Variants in CRPPA observed in about 807,000 individuals in gnomAD.
CRPPA encodes D-ribitol-5-phosphate cytidylyltransferase.
Under a neutral mutation model 52.0 loss-of-function variants are expected in CRPPA, and 43 were observed. The observed-to-expected ratio is 0.83, with a 90% confidence interval of 0.65 to 1.07. The LOEUF (loss-of-function observed/expected upper bound fraction) is 1.07, where lower values mean the gene tolerates loss of function less well. Ranked by LOEUF, CRPPA falls within the 50% of genes least tolerant of loss-of-function variation. The pLI is 0.00. For missense variants in CRPPA, 629 were observed against 551.7 expected (o/e 1.14, Z -1.40); for synonymous variants, 250 against 203.5 (o/e 1.23, Z -1.94).
chr7:16,189,590 T>C (rs1297855167), intron 9 of CRPPA, among the ~76,000 whole-genome samples: 2 of 152,196 alleles, frequency 1.3e-5, no homozygotes, highest in African/African-American at 4.8e-5. Context: ...TTCATGATGT[T>C]GCCAAGTACC....
At chr7:16,378,102 AT>A (rs1050480152) in intron 2 of CRPPA, among the ~76,000 whole-genome samples, 2 of 151,594 alleles carry the variant, frequency 1.3e-5, no homozygotes, top group Non-Finnish European at 2.9e-5. Flanking sequence ...TTTTTTTTTA[AT>A]TTTTTTAAAT....
chr7:16,164,913 C>T (rs1781017659), intron 9 of CRPPA, among the ~76,000 whole-genome samples: 1 of 151,994 alleles, frequency 6.6e-6, no homozygotes, highest in African/African-American at 2.4e-5. Context: ...CAGATGCCAG[C>T]CAGAGCCCTC....
intron 9 of CRPPA, among the ~76,000 whole-genome samples, chr7:16,164,491 T>A (rs1231134137): frequency 3.9e-5 from 6 of 152,228 alleles, no homozygotes; most frequent in African/African-American, 1.2e-4. Context: ...TTACCCACCT[T>A]CTGAAGCCTA....
chr7:16,261,634 C>T (rs17150163), intron 6 of CRPPA, among the ~76,000 whole-genome samples: 13,711 of 151,422 alleles, frequency 0.091, 796 homozygotes, highest in South Asian at 0.15. Flanking sequence ...TTTTAGGTTC[C>T]TTGAGTTTTT....
rs1027005660 is a variant in CRPPA at position 16,091,746 on chromosome 7, T to C, written c.1305A>G (p.Ser435=). 23 of 1,565,808 alleles carry C rather than the reference T, an allele frequency of 1.5e-5. No homozygotes were observed. The highest frequency in any genetic ancestry group is 1.8e-5 in the Non-Finnish European group (21 of 1,153,730). The change falls in exon 10 of 10, where the codon TCA becomes TCG. Residue 435 remains serine (S), a synonymous_variant. Transcript: ENST00000407010. ...SLRQGAIIIA[S]LIKERNSGLI... ...GTCCAGAATTTCTTTCCTTGATTAA[T>C]GAAGCAATAATGATAGCACCTTGCC... is the stretch of plus-strand genomic sequence containing the variant.
At chr7:16,354,802 T>C (rs987580649) in intron 3 of CRPPA, among the ~76,000 whole-genome samples, 6 of 152,022 alleles carry the variant, frequency 3.9e-5, no homozygotes. Flanking sequence ...CATCAGAAAA[T>C]AATAGAGTTA....
intron 9 of CRPPA, among the ~76,000 whole-genome samples, chr7:16,097,277 T>C (rs1781955181): frequency 6.6e-6 from 1 of 152,186 alleles, no homozygotes; most frequent in Non-Finnish European, 1.5e-5. Context: ...TTACCCAGCA[T>C]GTAACAATTG....
intron 2 of CRPPA, among the ~76,000 whole-genome samples, chr7:16,386,660 C>T (rs1157764013): frequency 6.6e-6 from 1 of 152,136 alleles, no homozygotes; most frequent in African/African-American, 2.4e-5. Flanking sequence ...CAGATGGCAA[C>T]TTGCACCAAC....
chr7:16,096,883 T>G (rs1310209708), intron 9 of CRPPA, among the ~76,000 whole-genome samples: 1 of 152,220 alleles, frequency 6.6e-6, no homozygotes, highest in African/African-American at 2.4e-5. Flanking sequence ...ACAGAAGTTA[T>G]TTTTGGATGA....
intron 9 of CRPPA, among the ~76,000 whole-genome samples, chr7:16,174,422 C>T (rs866289273): frequency 2.0e-5 from 3 of 152,098 alleles, no homozygotes; most frequent in Non-Finnish European, 2.9e-5. Flanking sequence ...ACAACACAAA[C>T]GAGATTGGCT....
rs1334637171 is a variant in CRPPA at position 16,089,132 on chromosome 7, A to G, written c.*2563T>C. 4.0e-6 allele frequency: 1 copy of G among 249,246 alleles called. No individual in the cohort carries two copies. The highest frequency in any genetic ancestry group is 4.2e-5 in the South Asian group (1 of 23,740). 15.4% of individuals were successfully genotyped at this position (249,246 alleles called of 1,614,324 possible). ...GTGAAGGATGTGCAGATATATATAC[A>G]TATAAAATACATATACATAAAACAT... On this transcript the variant is annotated 3_prime_UTR_variant, in exon 10 of 10. Transcript: ENST00000407010.
At chr7:16,309,116 C>T in intron 3 of CRPPA, among the ~76,000 whole-genome samples, 1 of 141,630 alleles carries the variant, frequency 7.1e-6, no homozygotes. Flanking sequence ...TAATTATTTA[C>T]ATTTTGTTTA....
Position 16,259,028 on chromosome 7 carries a change from A to G in CRPPA, c.934-16T>C. On this transcript the variant is annotated splice_polypyrimidine_tract_variant and intron_variant, in intron 6 of 9. Transcript: ENST00000407010. The stretch of plus-strand genomic sequence containing the variant: ...CTTTTACATGCTAGTAGGAAAAAAC[A>G]GAAATGAATTCACAAATTAGATAGA... 1 of 1,566,576 alleles carries G rather than the reference A, an allele frequency of 6.4e-7. No individual in the cohort carries two copies. Among genetic ancestry groups the G allele is most frequent in the Non-Finnish European group, 8.7e-7 (1 of 1,143,662 alleles).
intron 9 of CRPPA, among the ~76,000 whole-genome samples, chr7:16,164,969 C>T (rs1313108689): frequency 6.6e-6 from 1 of 151,946 alleles, no homozygotes; most frequent in African/African-American, 2.4e-5. Context: ...GTCTCCCTGT[C>T]AGGGGCGTCA....
intron 9 of CRPPA, among the ~76,000 whole-genome samples, chr7:16,194,001 C>T: frequency 6.6e-6 from 1 of 152,012 alleles, no homozygotes; most frequent in East Asian, 1.9e-4. Context: ...ATTGAAAACA[C>T]CAATGGTGAA....
intron 8 of CRPPA, among the ~76,000 whole-genome samples, chr7:16,253,590 G>C (rs1472535453): frequency 6.6e-6 from 1 of 152,146 alleles, no homozygotes; most frequent in Non-Finnish European, 1.5e-5. Flanking sequence ...TGTTGATTTG[G>C]GGTGGAGAGT....
chr7:16,194,318 T>C (rs1337811940), intron 9 of CRPPA, among the ~76,000 whole-genome samples: 1 of 152,108 alleles, frequency 6.6e-6, no homozygotes, highest in Non-Finnish European at 1.5e-5. Flanking sequence ...CATCTTTGGC[T>C]CCCTTATGAC....
chr7:16,274,341 C>T (rs1284475850), intron 6 of CRPPA, among the ~76,000 whole-genome samples: 2 of 152,122 alleles, frequency 1.3e-5, no homozygotes, highest in African/African-American at 4.8e-5. Flanking sequence ...GCCACCACAC[C>T]CGGCCTGTTG....
At chr7:16,256,928 G>C (rs770882765) in intron 8 of CRPPA, among the ~76,000 whole-genome samples, 3 of 151,914 alleles carry the variant, frequency 2.0e-5, no homozygotes, top group South Asian at 4.1e-4. Context: ...AAAATGTTGG[G>C]AAATACATGG....
Sources: gnomAD v4.1 joint callset for allele counts (sites outside exome capture counted in the v4.1 genomes callset) on GRCh38, gnomAD v4.1.1 for gene constraint, MANE v1.5 for transcripts, NCBI Gene and HGNC (gene_info 2026-07-23, HGNC 2026-07-21) for gene names.